SLC9A9: variants seen among roughly 807,000 people sequenced by gnomAD.
SLC9A9 encodes sodium/hydrogen exchanger 9.
SLC9A9 carries 62 observed loss-of-function variants against 77.8 expected under a neutral mutation model. The ratio of observed to expected loss-of-function variants is 0.80; its 90% CI spans 0.65 to 0.98. The LOEUF is 0.98. SLC9A9 is among the 50% of genes least tolerant of loss of function. The pLI is 0.00. For missense variants in SLC9A9, 775 were observed against 774.9 expected, an observed-to-expected ratio of 1.00 and a Z score of 0.00; for synonymous variants, 320 against 283.5, an observed-to-expected ratio of 1.13 and a Z score of -1.29.
At chr3:143,490,144 T>C (rs1312338306) in intron 11 of SLC9A9, among the ~76,000 whole-genome samples, 1 of 152,154 alleles carries the variant, frequency 6.6e-6, no homozygotes, top group African/African-American at 2.4e-5. Flanking sequence ...AGAATTACTA[T>C]ATGACCCAGC....
intron 4 of SLC9A9, among the ~76,000 whole-genome samples, chr3:143,709,157 T>C (rs901993120): frequency 1.3e-5 from 2 of 152,184 alleles, no homozygotes; most frequent in Admixed American, 1.3e-4. Flanking sequence ...TTCTACTATG[T>C]ATTGCTATAT....
intron 4 of SLC9A9, among the ~76,000 whole-genome samples, chr3:143,714,076 C>T (rs1042948439): frequency 3.3e-5 from 5 of 152,142 alleles, no homozygotes; most frequent in East Asian, 1.9e-4. Flanking sequence ...TTGTCTGTGT[C>T]GAAAAACTCA....
At position 143,504,806 on chromosome 3, in the gene SLC9A9, A is replaced by G. The variant is rs529257485; in HGVS notation, c.1090-9358T>C. ...TTCCCATTTTACCATTGGGAAAACT[A>G]CATTCAAAGGCATTAATACACTTGC... On this transcript the variant is annotated intron_variant, in intron 9 of 15. Coordinates refer to ENST00000316549, the MANE Select transcript of SLC9A9 (RefSeq NM_173653.4). Among the ~76,000 whole-genome samples the G allele has an allele frequency of 3.3e-5, 5 of 152,314 alleles. No homozygotes were observed. The South Asian group carries it at 1.0e-3, about 32-fold the overall frequency.
At chr3:143,647,452 C>T (rs1217806314) in intron 6 of SLC9A9, among the ~76,000 whole-genome samples, 2 of 151,976 alleles carry the variant, frequency 1.3e-5, no homozygotes, top group African/African-American at 4.8e-5. Context: ...ATCTTGATCA[C>T]CTGAAGAAGA....
rs117624703 is a variant in SLC9A9, at chr3:143,584,086, T to C, written c.756-5363A>G. On this transcript the variant is annotated intron_variant, in intron 6 of 15. Transcript: ENST00000316549. ...CATAAAATAATAGGTATGAAAAATA[T>C]TATATAGATGGCACCACAACAATGC... 5.8e-4 allele frequency among the ~76,000 whole-genome samples: 88 copies of C among 152,256 alleles called. 1 individual carries two copies. In the East Asian group the frequency reaches 0.014, roughly 24 times the overall value.
intron 4 of SLC9A9, among the ~76,000 whole-genome samples, chr3:143,792,155 C>T (rs1267788736): frequency 6.6e-6 from 1 of 152,054 alleles, no homozygotes; most frequent in Non-Finnish European, 1.5e-5. Context: ...ATAATCCATG[C>T]AAAGTGCTTT....
chr3:143,590,970 C>T (rs565817423), intron 6 of SLC9A9, among the ~76,000 whole-genome samples: 2 of 152,278 alleles, frequency 1.3e-5, no homozygotes, highest in African/African-American at 4.8e-5. Flanking sequence ...GAATAAAATG[C>T]TAGTTTCCTC....
At chr3:143,674,478 A>C (rs1367135972) in intron 5 of SLC9A9, among the ~76,000 whole-genome samples, 1 of 152,194 alleles carries the variant, frequency 6.6e-6, no homozygotes, top group East Asian at 1.9e-4. Context: ...GCTTTCACCC[A>C]TAAACACACG....
chr3:143,602,441 G>A (rs147081365), intron 6 of SLC9A9, among the ~76,000 whole-genome samples: 18 of 152,276 alleles, frequency 1.2e-4, no homozygotes, highest in Admixed American at 7.8e-4. Flanking sequence ...TCAATTGCTC[G>A]AAACATTCAC....
At chr3:143,664,523 AC>A (rs1457487305) in intron 5 of SLC9A9, among the ~76,000 whole-genome samples, 43 of 152,352 alleles carry the variant, frequency 2.8e-4, no homozygotes, top group African/African-American at 1.0e-3. Context: ...CAATTAAAAG[AC>A]ACAGACTGGC....
intron 4 of SLC9A9, among the ~76,000 whole-genome samples, chr3:143,703,915 T>C (rs562251480): frequency 2.1e-4 from 32 of 152,262 alleles, no homozygotes; most frequent in African/African-American, 7.7e-4. Flanking sequence ...TAAAGGATCA[T>C]TAGTCGCTAC....
intron 6 of SLC9A9, among the ~76,000 whole-genome samples, chr3:143,644,045 T>A (rs2038664258): frequency 6.6e-6 from 1 of 150,798 alleles, no homozygotes; most frequent in Admixed American, 6.6e-5. Context: ...AAGCTATCTA[T>A]CTGCACCATG....
At position 143,773,187 on chromosome 3, in the gene SLC9A9, G is replaced by C. The variant is rs559568477; in HGVS notation, c.533+21814C>G. 2.6e-5 allele frequency among the ~76,000 whole-genome samples: 4 copies of C among 152,142 alleles called. No individual in the cohort carries two copies. The East Asian group carries it at 7.7e-4, about 29-fold the overall frequency. On this transcript the variant is annotated intron_variant, in intron 4 of 15. Coordinates refer to ENST00000316549, the MANE Select transcript of SLC9A9 (RefSeq NM_173653.4). ...CTAAACGTTTAATAAGTGGCTTTTT[G>C]GGGGGAAAAGCCCTGATTTGTAGCA... is the stretch of plus-strand genomic sequence containing the variant.
chr3:143,582,482 A>T (rs911895653), intron 6 of SLC9A9, among the ~76,000 whole-genome samples: 3 of 152,148 alleles, frequency 2.0e-5, no homozygotes, highest in Admixed American at 2.0e-4. Flanking sequence ...CACAATAACA[A>T]CAGGGTGGTC....
At chr3:143,423,248 TACAC>T (rs377276883) in intron 12 of SLC9A9, among the ~76,000 whole-genome samples, 5,636 of 143,774 alleles carry the variant, frequency 0.039, 149 homozygotes, top group African/African-American at 0.081. Context: ...CACGCGCGTG[TACAC>T]ACACACACAC....
chr3:143,542,131 A>G (rs1015437212), intron 9 of SLC9A9, among the ~76,000 whole-genome samples: 6 of 152,222 alleles, frequency 3.9e-5, no homozygotes, highest in African/African-American at 1.2e-4. Flanking sequence ...GAGCTCCACT[A>G]TCATTAGCAT....
chr3:143,732,705 C>T (rs1576688886), intron 4 of SLC9A9, among the ~76,000 whole-genome samples: 2 of 151,070 alleles, frequency 1.3e-5, no homozygotes, highest in South Asian at 4.1e-4. Context: ...CTTTATTAAC[C>T]TCCTTCCCAG....
At chr3:143,710,393 A>G (rs947635708) in intron 4 of SLC9A9, among the ~76,000 whole-genome samples, 2 of 152,170 alleles carry the variant, frequency 1.3e-5, no homozygotes, top group African/African-American at 4.8e-5. Context: ...TGGAAGGTGA[A>G]TAAAATTGAG....
intron 6 of SLC9A9, among the ~76,000 whole-genome samples, chr3:143,635,483 G>A (rs932087215): frequency 1.3e-5 from 2 of 152,166 alleles, no homozygotes; most frequent in Admixed American, 6.6e-5. Context: ...CTTTGCTATT[G>A]GGAATACATC....
Sources: allele counts gnomAD v4.1 joint callset (sites outside exome capture counted in the v4.1 genomes callset), GRCh38; gene constraint gnomAD v4.1.1; transcripts MANE v1.5; gene names NCBI Gene and HGNC (gene_info 2026-07-23, HGNC 2026-07-21).